Variants in RARB observed in about 807,000 individuals in gnomAD.
The protein encoded by RARB is retinoic acid receptor beta.
In RARB, 17 loss-of-function variants were observed where a neutral mutation model predicts 51.9. The ratio of observed to expected loss-of-function variants is 0.33; its 90% CI spans 0.22 to 0.49. The LOEUF is 0.49. Ranked by LOEUF, RARB falls within the 20% of genes least tolerant of loss-of-function variation. The pLI is 0.99. For synonymous variants in RARB, 215 were observed against 195.4 expected, an observed-to-expected ratio of 1.10 and a Z score of -0.84; for missense variants, 369 against 550.8, an observed-to-expected ratio of 0.67 and a Z score of 3.30.
intron 2 of RARB, among the ~76,000 whole-genome samples, chr3:24,918,185 G>T (rs142444055): frequency 1.3e-5 from 2 of 152,170 alleles, no homozygotes; most frequent in Admixed American, 6.5e-5. Context: ...AACAAAAACG[G>T]TACCTCCGTA....
intron 1 of RARB, among the ~76,000 whole-genome samples, chr3:25,447,198 G>C (rs1708986639): frequency 6.6e-6 from 1 of 152,048 alleles, no homozygotes; most frequent in African/African-American, 2.4e-5. Context: ...GTAAGGATTT[G>C]TATGCAGATT....
intron 4 of RARB, among the ~76,000 whole-genome samples, chr3:25,163,504 AATATAT>A (rs138389529): frequency 0.013 from 1,639 of 131,048 alleles, 60 homozygotes; most frequent in African/African-American, 0.045. Flanking sequence ...CCTATCTCAA[AATATAT>A]ATATATATAT....
At chr3:24,942,381 C>G (rs141514487) in intron 2 of RARB, among the ~76,000 whole-genome samples, 2 of 152,232 alleles carry the variant, frequency 1.3e-5, no homozygotes, top group East Asian at 3.9e-4. Context: ...TTTATTTACT[C>G]TAATTCATAT....
At chr3:25,009,130 A>G (rs1697340204) in intron 2 of RARB, among the ~76,000 whole-genome samples, 1 of 152,032 alleles carries the variant, frequency 6.6e-6, no homozygotes, top group Non-Finnish European at 1.5e-5. Flanking sequence ...CTTTGTCACA[A>G]TTGCTTGGAG....
At chr3:25,185,177 G>T (rs1409778022) in intron 5 of RARB, among the ~76,000 whole-genome samples, 1 of 152,020 alleles carries the variant, frequency 6.6e-6, no homozygotes, top group Non-Finnish European at 1.5e-5. Flanking sequence ...GAATTCTCAA[G>T]GGGACAATCC....
intron 2 of RARB, among the ~76,000 whole-genome samples, chr3:24,938,717 C>G (rs1034006627): frequency 6.6e-6 from 1 of 152,170 alleles, no homozygotes; most frequent in African/African-American, 2.4e-5. Flanking sequence ...TTAAGTGAAT[C>G]TACATTCTCC....
intron 5 of RARB, among the ~76,000 whole-genome samples, chr3:25,338,867 C>T (rs914126129): frequency 1.3e-5 from 2 of 152,108 alleles, no homozygotes; most frequent in African/African-American, 4.8e-5. Flanking sequence ...CACACCAGAC[C>T]TTCCCAAAAT....
At chr3:25,481,904 A>ATT (rs1473390412) in intron 2 of RARB, among the ~76,000 whole-genome samples, 16 of 152,220 alleles carry the variant, frequency 1.1e-4, no homozygotes, top group African/African-American at 3.4e-4. Flanking sequence ...CAAATTTAAT[A>ATT]TTCATAACAA....
At chr3:25,250,831 C>T (rs895133384) in intron 5 of RARB, among the ~76,000 whole-genome samples, 1 of 152,130 alleles carries the variant, frequency 6.6e-6, no homozygotes, top group Non-Finnish European at 1.5e-5. Flanking sequence ...GTGTTAGTCT[C>T]AGGACTCACA....
chr3:25,210,338 G>A (rs1701661173), intron 5 of RARB, among the ~76,000 whole-genome samples: 1 of 151,852 alleles, frequency 6.6e-6, no homozygotes, highest in Non-Finnish European at 1.5e-5. Flanking sequence ...GTATCATCTT[G>A]ACCACAGGCC....
chr3:25,102,564 A>AT (rs1286245586), intron 3 of RARB, among the ~76,000 whole-genome samples: 1 of 152,034 alleles, frequency 6.6e-6, no homozygotes, highest in Non-Finnish European at 1.5e-5. Flanking sequence ...ATAGAAATAA[A>AT]TATATAAAAT....
chr3:25,418,325 G>A (rs772535121), intron 5 of RARB, among the ~76,000 whole-genome samples: 45 of 152,210 alleles, frequency 3.0e-4, no homozygotes, highest in South Asian at 1.2e-3. Context: ...GAATACTAAT[G>A]CCAAACATTA....
chr3:24,977,337 T>C (rs1696539753), intron 2 of RARB, among the ~76,000 whole-genome samples: 1 of 152,198 alleles, frequency 6.6e-6, no homozygotes, highest in Admixed American at 6.5e-5. Flanking sequence ...ATTGAATCTA[T>C]AAATTACTCT....
At chr3:25,299,129 T>C (rs1201748928) in intron 5 of RARB, among the ~76,000 whole-genome samples, 1 of 152,022 alleles carries the variant, frequency 6.6e-6, no homozygotes, top group Non-Finnish European at 1.5e-5. Context: ...AGTTTGGGGG[T>C]TTTATAATAA....
At chr3:25,503,518 TA>T (rs1000532645) in intron 3 of RARB, among the ~76,000 whole-genome samples, 15 of 152,006 alleles carry the variant, frequency 9.9e-5, no homozygotes, top group African/African-American at 3.1e-4. Flanking sequence ...GGTTGGCAAT[TA>T]AAAAAAATAA....
intron 5 of RARB, among the ~76,000 whole-genome samples, chr3:25,255,107 G>A (rs922691545): frequency 6.6e-6 from 1 of 152,098 alleles, no homozygotes; most frequent in Non-Finnish European, 1.5e-5. Flanking sequence ...TGGCTTTAGG[G>A]TAACACTCAC....
chr3:25,468,826 T>G (rs957835037), intron 2 of RARB, among the ~76,000 whole-genome samples: 2 of 152,224 alleles, frequency 1.3e-5, no homozygotes, highest in African/African-American at 4.8e-5. Context: ...TGTTCCCAGA[T>G]GCAGCTTTGT....
intron 1 of RARB, among the ~76,000 whole-genome samples, chr3:25,457,726 T>G (rs1321375801): frequency 6.6e-6 from 1 of 152,214 alleles, no homozygotes; most frequent in Non-Finnish European, 1.5e-5. Flanking sequence ...GTGTTTGAAG[T>G]GGCATATTTA....
chr3:25,574,630 G>C (rs552374946), intron 4 of RARB, among the ~76,000 whole-genome samples: 1 of 152,208 alleles, frequency 6.6e-6, no homozygotes, highest in Admixed American at 6.5e-5. Context: ...GGGGCCTGGC[G>C]GGAGGTAAGC....
Sources: gnomAD v4.1 joint callset for allele counts (sites outside exome capture counted in the v4.1 genomes callset) on GRCh38, gnomAD v4.1.1 for gene constraint, MANE v1.5 for transcripts, NCBI Gene and HGNC (gene_info 2026-07-23, HGNC 2026-07-21) for gene names.